PHTF2: variants seen among roughly 807,000 people sequenced by gnomAD.
PHTF2 encodes putative homeodomain transcription factor 2, also known as protein PHTF2.
Under a neutral mutation model 101.2 loss-of-function variants are expected in PHTF2, and 60 were observed. The ratio of observed to expected loss-of-function variants is 0.59; its 90% CI spans 0.48 to 0.73. The LOEUF (loss-of-function observed/expected upper bound fraction) is 0.73, where lower values mean the gene tolerates loss of function less well. Among genes scored for constraint, PHTF2 ranks in the 30% least tolerant of loss-of-function variants. The pLI is 0.00. For missense variants in PHTF2, 747 were observed against 908.7 expected, an observed-to-expected ratio of 0.82 and a Z score of 2.29; for synonymous variants, 311 against 307.3, an observed-to-expected ratio of 1.01 and a Z score of -0.13.
intron 12 of PHTF2, among the ~76,000 whole-genome samples, chr7:77,935,136 C>T (rs1047744124): frequency 7.3e-6 from 1 of 137,152 alleles, no homozygotes; most frequent in African/African-American, 2.7e-5. Flanking sequence ...CCCCCACACA[C>T]ACACACAGAG....
At chr7:77,801,276 CTT>C (rs1792528406) in intron 1 of PHTF2, among the ~76,000 whole-genome samples, 1 of 152,224 alleles carries the variant, frequency 6.6e-6, no homozygotes, top group Admixed American at 6.5e-5. Context: ...CCACAAGACA[CTT>C]GACTTCATGT....
intron 16 of PHTF2, among the ~76,000 whole-genome samples, chr7:77,947,300 G>A (rs528817195): frequency 5.8e-4 from 89 of 152,248 alleles, no homozygotes; most frequent in Non-Finnish European, 9.9e-4. Flanking sequence ...GGTGGCTCAC[G>A]CCTATAATCC....
At chr7:77,871,518 G>A (rs998387287) in intron 3 of PHTF2, among the ~76,000 whole-genome samples, 4 of 152,144 alleles carry the variant, frequency 2.6e-5, no homozygotes, top group African/African-American at 9.7e-5. Context: ...GGAACAGGAA[G>A]CAAAAATTTT....
intron 5 of PHTF2, among the ~76,000 whole-genome samples, chr7:77,896,920 A>G (rs1319418630): frequency 6.6e-6 from 1 of 152,180 alleles, no homozygotes; most frequent in African/African-American, 2.4e-5. Context: ...GGAAATGTTT[A>G]TTTTTCAATT....
rs1049743998 is a variant in PHTF2, at chr7:77,864,642, G to T, written c.147+9808G>T. Among the ~76,000 whole-genome samples, 7 of 150,692 alleles carry T rather than the reference G, an allele frequency of 4.6e-5. No homozygotes were observed. In the South Asian group the frequency reaches 1.0e-3, roughly 22 times the overall value. Reference sequence around the variant, plus strand: ...ATTTTTTTTTTTTTTAACTGAAGTTGCTCCTTAAAACTCAAAGCTGGCATC... The same window carrying T: ...ATTTTTTTTTTTTTTAACTGAAGTTTCTCCTTAAAACTCAAAGCTGGCATC... On this transcript the variant is annotated intron_variant, in intron 3 of 19. Transcript: ENST00000416283.
At chr7:77,904,495 C>T (rs1354420470) in intron 7 of PHTF2, among the ~76,000 whole-genome samples, 1 of 152,100 alleles carries the variant, frequency 6.6e-6, no homozygotes, top group Non-Finnish European at 1.5e-5. Flanking sequence ...GCTTATACAA[C>T]AAAATTTATT....
intron 10 of PHTF2, among the ~76,000 whole-genome samples, chr7:77,920,940 C>T (rs532753280): frequency 1.3e-5 from 2 of 152,306 alleles, no homozygotes; most frequent in African/African-American, 4.8e-5. Context: ...CCACCTCAGC[C>T]TTCTAAAGTT....
At chr7:77,813,664 A>C (rs1251568049) in intron 1 of PHTF2, among the ~76,000 whole-genome samples, 1 of 152,244 alleles carries the variant, frequency 6.6e-6, no homozygotes, top group Non-Finnish European at 1.5e-5. Flanking sequence ...TGTATGAGCT[A>C]TACATAGCTT....
At chr7:77,933,709 G>GTTTTTTTTTTTTTTT (rs1157738956) in intron 12 of PHTF2, among the ~76,000 whole-genome samples, 1 of 127,264 alleles carries the variant, frequency 7.9e-6, no homozygotes. Flanking sequence ...CAGGGACCAT[G>GTTTTTTTTTTTTTTT]TGTTTTTTTT....
chr7:77,847,185 GA>G lies in PHTF2; in HGVS notation c.45+6887del, dbSNP rs1796370586. 3.3e-5 allele frequency among the ~76,000 whole-genome samples: 5 copies of G among 152,314 alleles called. No homozygotes were observed. The South Asian group carries it at 1.0e-3, about 32-fold the overall frequency. On this transcript the variant is annotated intron_variant, in intron 2 of 19. Transcript: ENST00000416283. ...CTGAAAGCATCCTAAGTGATACACA[GA>G]AGTGCTTTCTGATGGGGTATGGCTT... is the stretch of plus-strand genomic sequence containing the variant.
At chr7:77,820,981 C>T (rs971334766) in intron 1 of PHTF2, among the ~76,000 whole-genome samples, 1 of 152,124 alleles carries the variant, frequency 6.6e-6, no homozygotes, top group Non-Finnish European at 1.5e-5. Context: ...CCTTTTACTT[C>T]CAACTGTGAG....
At position 77,805,415 on chromosome 7, in the gene PHTF2, T is replaced by C. The variant is rs916178264; in HGVS notation, c.-36+6444T>C. 2.0e-5 allele frequency among the ~76,000 whole-genome samples: 3 copies of C among 152,310 alleles called. No homozygotes were observed. In the East Asian group the frequency reaches 5.8e-4, roughly 29 times the overall value. The stretch of plus-strand genomic sequence containing the variant: ...TATCCTCAATTTGACTGGTTTCTAT[T>C]CGTCTTTATTATTTTTGTTTCTACT... On this transcript the variant is annotated intron_variant, in intron 1 of 19. Transcript: ENST00000416283.
At chr7:77,822,299 C>T (rs143818284) in intron 1 of PHTF2, among the ~76,000 whole-genome samples, 67 of 152,252 alleles carry the variant, frequency 4.4e-4, no homozygotes, top group African/African-American at 1.5e-3. Context: ...TGGTTTTCAG[C>T]CACCCATGTG....
intron 2 of PHTF2, among the ~76,000 whole-genome samples, chr7:77,847,886 T>C (rs1267274092): frequency 1.3e-5 from 2 of 152,198 alleles, no homozygotes; most frequent in Admixed American, 1.3e-4. Flanking sequence ...CTGGTAATGA[T>C]CACTCTACTC....
At chr7:77,885,277 A>C (rs1387148255) in intron 3 of PHTF2, among the ~76,000 whole-genome samples, 1 of 151,974 alleles carries the variant, frequency 6.6e-6, no homozygotes, top group African/African-American at 2.4e-5. Flanking sequence ...ATTTTTTTAA[A>C]TAGAGATGAG....
intron 7 of PHTF2, among the ~76,000 whole-genome samples, chr7:77,904,503 A>AT (rs1432469357): frequency 6.6e-6 from 1 of 152,088 alleles, no homozygotes; most frequent in Non-Finnish European, 1.5e-5. Flanking sequence ...AACAAAATTT[A>AT]TTTTTTCACC....
chr7:77,832,034 T>TTTTA (rs1491139293), intron 1 of PHTF2, among the ~76,000 whole-genome samples: 1 of 110,596 alleles, frequency 9.0e-6, no homozygotes, highest in Admixed American at 8.8e-5. Flanking sequence ...TCTCCAGAGA[T>TTTTA]TTTTTTTTTT....
At chr7:77,822,606 G>A (rs1044633674) in intron 1 of PHTF2, among the ~76,000 whole-genome samples, 1 of 152,142 alleles carries the variant, frequency 6.6e-6, no homozygotes, top group Non-Finnish European at 1.5e-5. Flanking sequence ...GTGGGGGCTG[G>A]TAGGGATCTT....
chr7:77,919,948 A>T (rs1803290339), intron 9 of PHTF2, among the ~76,000 whole-genome samples: 1 of 152,224 alleles, frequency 6.6e-6, no homozygotes, highest in Non-Finnish European at 1.5e-5. Flanking sequence ...ACTTCAAAAT[A>T]TATTTTTAAC....
Sources: allele counts gnomAD v4.1 joint callset (sites outside exome capture counted in the v4.1 genomes callset), GRCh38; gene constraint gnomAD v4.1.1; transcripts MANE v1.5; gene names NCBI Gene and HGNC (gene_info 2026-07-23, HGNC 2026-07-21).